The following INSYN2A variants were observed in gnomAD, a reference collection of about 807,000 sequenced individuals.
INSYN2A encodes inhibitory synaptic factor 2A.
A neutral mutation model predicts 39.4 loss-of-function variants in INSYN2A; 17 were observed. The observed-to-expected ratio is 0.43, with a 90% CI of 0.30 to 0.65. The LOEUF (loss-of-function observed/expected upper bound fraction) is 0.65. INSYN2A is among the 30% of genes least tolerant of loss of function. The pLI, the probability that INSYN2A is intolerant of heterozygous loss-of-function variation, is 0.14. For synonymous variants in INSYN2A, 255 were observed against 265.7 expected (o/e 0.96, Z 0.39); for missense variants, 595 against 631.2 (o/e 0.94, Z 0.61).
intron 5 of INSYN2A, among the ~76,000 whole-genome samples, chr10:127,140,812 T>C (rs913000226): frequency 6.6e-6 from 1 of 152,198 alleles, no homozygotes; most frequent in African/African-American, 2.4e-5. Flanking sequence ...CACCTGCTCT[T>C]CTGGTTAGAG....
chr10:127,175,679 C>G lies in INSYN2A; in HGVS notation c.717G>C (p.Glu239Asp). Residue 239 changes from glutamate to aspartate, a missense_variant, in exon 4 of 6, where the codon GAG becomes GAC. Transcript: ENST00000522781. The surrounding 1 kb of genome is among the most constrained non-coding windows in gnomAD (Gnocchi z 6.3). ...CCCTCCTGAGGGCAGGTGGAGCGGGCTCCTCGGAGTTTGGCCTCCCCCGGT... is the reference window on the plus strand; with the variant it reads ...CCCTCCTGAGGGCAGGTGGAGCGGGGTCCTCGGAGTTTGGCCTCCCCCGGT... The part of the protein sequence containing the change: ...KQDRGRPNSE[E>D]PAPPALRRVF... The G allele has an allele frequency of 6.2e-7, 1 of 1,613,736 alleles. No individual in the cohort carries two copies. Among genetic ancestry groups the G allele is most frequent in the Non-Finnish European group, 8.5e-7 (1 of 1,179,962 alleles).
intron 2 of INSYN2A, among the ~76,000 whole-genome samples, chr10:127,182,529 A>G (rs893002433): frequency 9.9e-5 from 15 of 152,136 alleles, no homozygotes. Flanking sequence ...GCTTATGTTG[A>G]TGTTAACCTT....
intron 2 of INSYN2A, among the ~76,000 whole-genome samples, chr10:127,181,184 A>G (rs985874706): frequency 1.2e-4 from 18 of 152,266 alleles, no homozygotes; most frequent in Admixed American, 1.0e-3. Flanking sequence ...GTATATATGC[A>G]TAGGTATATA....
intron 5 of INSYN2A, among the ~76,000 whole-genome samples, chr10:127,140,298 T>A (rs2051100031): frequency 6.6e-6 from 1 of 152,178 alleles, no homozygotes; most frequent in South Asian, 2.1e-4. Context: ...ATGACTCGAC[T>A]TTATCTGTCG....
At chr10:127,168,075 G>C (rs960454431) in intron 4 of INSYN2A, among the ~76,000 whole-genome samples, 7 of 152,176 alleles carry the variant, frequency 4.6e-5, no homozygotes, top group Non-Finnish European at 1.5e-5. Flanking sequence ...ACAGAGAAAA[G>C]CTGAGGTCCA....
Position 127,164,215 on chromosome 10 carries a change from G to A in INSYN2A, c.1185-10292C>T, listed in dbSNP as rs570635146. On this transcript the variant is annotated intron_variant, in intron 4 of 5. Coordinates refer to ENST00000522781, the MANE Select transcript of INSYN2A (RefSeq NM_001039762.3). ...TTTTTTTTTTTTGAGACAGAGTCCT[G>A]CTCTGTCACCCAGGCTGGAGTGCAG... Among the ~76,000 whole-genome samples, 669 of 109,096 alleles carry A rather than the reference G, an allele frequency of 6.1e-3. 2 individuals carry two copies. Among genetic ancestry groups the A allele is most frequent in the African/African-American group, 0.022 (644 of 28,988 alleles). 71.6% of individuals were successfully genotyped at this position (109,096 alleles called of 152,430 possible).
intron 2 of INSYN2A, among the ~76,000 whole-genome samples, chr10:127,189,373 A>G (rs975964004): frequency 6.6e-6 from 1 of 152,028 alleles, no homozygotes; most frequent in Admixed American, 6.6e-5. Context: ...TGTGGGGCCA[A>G]CCCTGCCAGT....
intron 2 of INSYN2A, among the ~76,000 whole-genome samples, chr10:127,188,947 T>C (rs1315439475): frequency 6.6e-6 from 1 of 152,152 alleles, no homozygotes; most frequent in Non-Finnish European, 1.5e-5. Flanking sequence ...GAGGACAGCC[T>C]GGCCTGGAGC....
chr10:127,186,186 C>T (rs1228186410), intron 2 of INSYN2A, among the ~76,000 whole-genome samples: 1 of 152,080 alleles, frequency 6.6e-6, no homozygotes, highest in Non-Finnish European at 1.5e-5. Flanking sequence ...GTGTATTAGT[C>T]CATTCTCACA....
chr10:127,140,659 C>CACACCGAGTCTCTGGGTTGAGTTTGAT (rs1411852696), intron 5 of INSYN2A, among the ~76,000 whole-genome samples: 3 of 137,972 alleles, frequency 2.2e-5, no homozygotes, highest in Admixed American at 6.8e-5. Flanking sequence ...TTGAGTTTGA[C>CACACCGAGTCTCTGGGTTGAGTTTGAT]ACACCGAGTC....
chr10:127,139,456 C>A (rs1020220454), intron 5 of INSYN2A, among the ~76,000 whole-genome samples: 1 of 151,946 alleles, frequency 6.6e-6, no homozygotes, highest in Non-Finnish European at 1.5e-5. Flanking sequence ...AACAAGTTAT[C>A]CTTTTCCCTT....
At chr10:127,168,233 AC>A (rs1219620971) in intron 4 of INSYN2A, among the ~76,000 whole-genome samples, 1 of 152,198 alleles carries the variant, frequency 6.6e-6, no homozygotes, top group Non-Finnish European at 1.5e-5. Flanking sequence ...TGGGAGGCTG[AC>A]CTCAGCCAGC....
intron 5 of INSYN2A, among the ~76,000 whole-genome samples, chr10:127,140,307 C>G (rs1052936132): frequency 1.3e-5 from 2 of 152,156 alleles, no homozygotes; most frequent in South Asian, 4.1e-4. Context: ...CTTTATCTGT[C>G]GAGTTGATTC....
intron 2 of INSYN2A, among the ~76,000 whole-genome samples, chr10:127,189,942 T>TA (rs2134079555): frequency 6.6e-6 from 1 of 152,338 alleles, no homozygotes; most frequent in South Asian, 2.1e-4. Flanking sequence ...GATGTGAGGT[T>TA]AAGGCTGAGA....
chr10:127,149,849 A>G (rs1469283611), intron 5 of INSYN2A, among the ~76,000 whole-genome samples: 1 of 152,162 alleles, frequency 6.6e-6, no homozygotes, highest in African/African-American at 2.4e-5. Flanking sequence ...CAGGCATCCC[A>G]TGGTGCATAT....
chr10:127,140,152 A>C (rs1434272266), intron 5 of INSYN2A, among the ~76,000 whole-genome samples: 5 of 152,234 alleles, frequency 3.3e-5, no homozygotes, highest in Admixed American at 2.6e-4. Flanking sequence ...TCCTAGGCTA[A>C]CAGTACAATT....
Position 127,176,378 on chromosome 10 carries a change from G to T in INSYN2A, c.18C>A (p.Thr6=). The T allele has an allele frequency of 2.5e-6, 4 of 1,608,766 alleles. No homozygotes were observed. Among genetic ancestry groups the T allele is most frequent in the Non-Finnish European group, 3.4e-6 (4 of 1,178,122 alleles). Reference sequence around the variant, plus strand: ...CCGACGTTGTGAGTATGCATTTGCCGGTGTCCTTACTGACCATGGTTCCTG... The same window carrying T: ...CCGACGTTGTGAGTATGCATTTGCCTGTGTCCTTACTGACCATGGTTCCTG... The part of the protein sequence containing the change: MVSKD[T]GKCILTTSES... The change falls in exon 4 of 6, where the codon ACC becomes ACA. Residue 6 remains threonine, a synonymous_variant. Coordinates refer to ENST00000522781, the MANE Select transcript of INSYN2A (RefSeq NM_001039762.3). The surrounding 1 kb of genome is among the most constrained non-coding windows in gnomAD (Gnocchi z 4.4).
chr10:127,167,795 A>T lies in INSYN2A; in HGVS notation c.1184+7417T>A, dbSNP rs2054216425. Among the ~76,000 whole-genome samples, 7 of 151,894 alleles carry T rather than the reference A, an allele frequency of 4.6e-5. No homozygotes were observed. In the South Asian group the frequency reaches 1.5e-3, roughly 32 times the overall value. ...CACCAAGACAAAGCTTCATGTCTCC[A>T]TTTAGTGATCCTCACCACCACCCCC... On this transcript the variant is annotated intron_variant, in intron 4 of 5. Transcript: ENST00000522781.
chr10:127,151,583 A>G (rs7916316), intron 5 of INSYN2A, among the ~76,000 whole-genome samples: 3,111 of 152,238 alleles, frequency 0.02, 101 homozygotes, highest in African/African-American at 0.072. Context: ...TCTGCAGGCT[A>G]CCGAGGGCCA....
Sources: allele counts gnomAD v4.1 joint callset (sites outside exome capture counted in the v4.1 genomes callset), GRCh38; gene constraint gnomAD v4.1.1; non-coding constraint Gnocchi (gnomAD v3.1); transcripts MANE v1.5; gene names NCBI Gene and HGNC (gene_info 2026-07-23, HGNC 2026-07-21).